MTFR1: variants seen among roughly 807,000 people sequenced by gnomAD.
MTFR1 encodes chondrocyte protein with a poly-proline region.
In MTFR1, 28 loss-of-function variants were observed where a neutral mutation model predicts 38.8. That is an observed-to-expected ratio of 0.72 (90% CI 0.53 to 0.99). MTFR1 has a LOEUF of 0.99. MTFR1 is among the 50% of genes least tolerant of loss of function. The pLI is 0.00. For synonymous variants in MTFR1, 145 were observed against 137.0 expected (o/e 1.06, Z -0.41); for missense variants, 358 against 395.5 (o/e 0.91, Z 0.81).
chr8:65,645,777 C>T (rs1488677310), intron 1 of MTFR1, among the ~76,000 whole-genome samples: 3 of 151,130 alleles, frequency 2.0e-5, no homozygotes, highest in African/African-American at 7.3e-5. Context: ...GATCCTCCCT[C>T]CTTGGCCTCC....
intron 2 of MTFR1, among the ~76,000 whole-genome samples, chr8:65,672,032 C>T (rs778619643): frequency 3.6e-4 from 55 of 152,174 alleles, no homozygotes; most frequent in Admixed American, 2.6e-4. Flanking sequence ...ACAGATAGCA[C>T]GCTTTATTTA....
At chr8:65,768,835 G>T (rs769814119) in intron 3 of MTFR1, among the ~76,000 whole-genome samples, 2 of 152,052 alleles carry the variant, frequency 1.3e-5, no homozygotes, top group African/African-American at 2.4e-5. Context: ...TAGAATAATA[G>T]ATAATAAAAG....
intron 3 of MTFR1, among the ~76,000 whole-genome samples, chr8:65,756,223 A>G (rs1293678955): frequency 6.6e-6 from 1 of 152,190 alleles, no homozygotes; most frequent in Admixed American, 6.5e-5. Flanking sequence ...CAATTTGACT[A>G]TAGTGTGTCT....
the MTFR1 span, among the ~76,000 whole-genome samples, chr8:65,777,140 T>C: frequency 2.1e-5 from 3 of 146,232 alleles, no homozygotes; most frequent in East Asian, 6.2e-4. Flanking sequence ...TGGAGTGCAA[T>C]GCAATCCTGG....
chr8:65,674,533 C>T (rs928109293), intron 2 of MTFR1, among the ~76,000 whole-genome samples: 1 of 151,828 alleles, frequency 6.6e-6, no homozygotes, highest in African/African-American at 2.4e-5. Flanking sequence ...GATCACTTGA[C>T]CCTGGGAGGC....
intron 3 of MTFR1, among the ~76,000 whole-genome samples, chr8:65,736,521 G>A (rs1807132881): frequency 6.6e-6 from 1 of 152,170 alleles, no homozygotes; most frequent in Admixed American, 6.5e-5. Context: ...GGGAGGCTGA[G>A]GCTGGAGGAT....
intron 3 of MTFR1, among the ~76,000 whole-genome samples, chr8:65,758,298 TAC>T (rs1808330862): frequency 1.3e-5 from 2 of 152,182 alleles, no homozygotes; most frequent in South Asian, 4.1e-4. Flanking sequence ...GGCTTAAAAA[TAC>T]AGTTATACTT....
chr8:65,656,410 T>C, intron 1 of MTFR1, among the ~76,000 whole-genome samples: 1 of 152,012 alleles, frequency 6.6e-6, no homozygotes, highest in Non-Finnish European at 1.5e-5. Context: ...CATAGCTCAC[T>C]GTAATCTCAA....
chr8:65,766,640 CCTCT>C (rs1808800720), intron 3 of MTFR1, among the ~76,000 whole-genome samples: 2 of 152,208 alleles, frequency 1.3e-5, no homozygotes, highest in African/African-American at 4.8e-5. Context: ...CATGCATCAC[CCTCT>C]CTCTATTTCT....
intron 3 of MTFR1, among the ~76,000 whole-genome samples, chr8:65,760,895 A>G (rs549090666): frequency 6.6e-6 from 1 of 151,628 alleles, no homozygotes; most frequent in East Asian, 1.9e-4. Flanking sequence ...AAGGATATCA[A>G]GCTGAATAAT....
intron 1 of MTFR1, among the ~76,000 whole-genome samples, 166 bp downstream of exon 1, chr8:65,644,950 C>T (rs1023381742): frequency 4.6e-5 from 7 of 152,226 alleles, no homozygotes; most frequent in African/African-American, 1.7e-4. Flanking sequence ...TGAGTGTTTG[C>T]CCCGCGGCCG....
At chr8:65,704,443 T>C (rs1033937134) in intron 4 of MTFR1, among the ~76,000 whole-genome samples, 11 of 152,208 alleles carry the variant, frequency 7.2e-5, no homozygotes, top group African/African-American at 2.7e-4. Flanking sequence ...TGCCTCTTGA[T>C]GGAGTTGGTT....
intron 3 of MTFR1, among the ~76,000 whole-genome samples, chr8:65,747,002 A>T (rs905611362): frequency 6.6e-6 from 1 of 152,220 alleles, no homozygotes; most frequent in Non-Finnish European, 1.5e-5. Context: ...GGTTAAAAAC[A>T]AGCTCATTTA....
intron 3 of MTFR1, among the ~76,000 whole-genome samples, chr8:65,756,097 T>G (rs774684033): frequency 6.6e-6 from 1 of 152,262 alleles, no homozygotes; most frequent in African/African-American, 2.4e-5. Context: ...TTTATTCCCT[T>G]CTGGCCACCA....
intron 1 of MTFR1, among the ~76,000 whole-genome samples, chr8:65,662,953 A>G (rs1218297739): frequency 6.6e-6 from 1 of 151,028 alleles, no homozygotes; most frequent in Non-Finnish European, 1.5e-5. Context: ...CCGGGAGATG[A>G]GGGGCGCCTC....
downstream of MTFR1, among the ~76,000 whole-genome samples, chr8:65,771,881 T>G (rs1369484279): frequency 2.4e-5 from 2 of 83,890 alleles, no homozygotes; most frequent in Non-Finnish European, 4.2e-5. Flanking sequence ...AGACTCCATC[T>G]CTCAAAAAAA....
At chr8:65,750,238 C>G (rs1807869627) in intron 3 of MTFR1, among the ~76,000 whole-genome samples, 1 of 152,104 alleles carries the variant, frequency 6.6e-6, no homozygotes, top group African/African-American at 2.4e-5. Context: ...ACAATGAATG[C>G]ATTAGAGCCG....
chr8:65,708,639 C>G (rs1805854923), intron 7 of MTFR1, among the ~76,000 whole-genome samples: 1 of 152,146 alleles, frequency 6.6e-6, no homozygotes, highest in Admixed American at 6.5e-5. Context: ...CTCAGAAATT[C>G]CAGCACCTTT....
chr8:65,647,116 A>G (rs1029502737), intron 1 of MTFR1, among the ~76,000 whole-genome samples: 1 of 152,200 alleles, frequency 6.6e-6, no homozygotes, highest in African/African-American at 2.4e-5. Flanking sequence ...AGGAAGATAG[A>G]TACAGGAAGA....
Sources: gnomAD v4.1 joint callset for allele counts (sites outside exome capture counted in the v4.1 genomes callset) on GRCh38, gnomAD v4.1.1 for gene constraint, MANE v1.5 for transcripts, NCBI Gene and HGNC (gene_info 2026-07-23, HGNC 2026-07-21) for gene names.